The following C1RL variants were observed in gnomAD, a reference collection of about 807,000 sequenced individuals.
The protein encoded by C1RL is complement C1r subcomponent like.
Under a neutral mutation model 27.9 loss-of-function variants are expected in C1RL, and 27 were observed. The ratio of observed to expected loss-of-function variants is 0.97; its 90% CI spans 0.71 to 1.33. C1RL has a LOEUF of 1.33. Among genes scored for constraint, C1RL ranks in the 40% most tolerant of loss-of-function variants. C1RL has a pLI of 0.00. For synonymous variants in C1RL, 248 were observed against 252.1 expected (o/e 0.98, Z 0.15); for missense variants, 563 against 623.9 (o/e 0.90, Z 1.04).
intron 3 of C1RL, 181 bp downstream of exon 3, chr12:7,101,716 CT>C: frequency 1.6e-6 from 1 of 614,786 alleles, no homozygotes. Flanking sequence ...CCGCTGGGGG[CT>C]CAGCTACGGC....
rs746562099 is a variant in C1RL, at chr12:7,096,894, G to C, written c.961C>G (p.Arg321Gly). 1 of 1,599,218 alleles carries C rather than the reference G, an allele frequency of 6.3e-7. No homozygotes were observed. Among genetic ancestry groups the C allele is most frequent in the Non-Finnish European group, 8.5e-7 (1 of 1,171,094 alleles). The change falls in exon 6 of 6, where the codon CGT becomes GGT. Residue 321 changes from arginine (R) to glycine (G), a missense_variant. Transcript: ENST00000266542. ...CGGTAGTCGGGGTGCACAACGACAC[G>C]GTGGACAGGGTGGTTCCCCAGTTTC... ...MLKLGNHPVH[R>G]VVVHPDYRQN...
rs987099985 is a variant in C1RL at position 7,103,651 on chromosome 12, G to T, written c.301-1564C>A. Among the ~76,000 whole-genome samples, 3 of 152,318 alleles carry T rather than the reference G, an allele frequency of 2.0e-5. No homozygotes were observed. The East Asian group carries it at 5.8e-4, about 29-fold the overall frequency. ...GTAAGATACTGTGCTAGGTGCTGGG[G>T]ACACAGATGTGACAAAGGCACAGTT... is the stretch of plus-strand genomic sequence containing the variant. On this transcript the variant is annotated intron_variant, in intron 2 of 5. Transcript: ENST00000266542.
At position 7,097,006 on chromosome 12, in the gene C1RL, G is replaced by A; in HGVS notation, c.849C>T (p.His283=). ...AAACACTGTCCTTGGGGTAGATGGT[G>A]TGGGCAGCAGTGAGGATCCATCTGT... The part of the protein sequence containing the change: ...LGDRWILTAA[H]TIYPKDSVSL... The change falls in exon 6 of 6, where the codon CAC becomes CAT. Residue 283 remains histidine, a synonymous_variant. Coordinates refer to ENST00000266542, the MANE Select transcript of C1RL (RefSeq NM_016546.4). The A allele has an allele frequency of 6.2e-7, 1 of 1,614,182 alleles. No individual in the cohort carries two copies. The highest frequency in any genetic ancestry group is 1.1e-5 in the South Asian group (1 of 91,086).
intron 1 of C1RL, chr12:7,108,766 G>C: frequency 3.6e-6 from 2 of 555,614 alleles, no homozygotes; most frequent in East Asian, 3.1e-5. Context: ...GTCCAAAGGA[G>C]GGGGGTGCTT....
At chr12:7,108,552 G>C (rs1938835232) in intron 1 of C1RL, 73 bp from the exon 2 acceptor site, 3 of 1,287,636 alleles carry the variant, frequency 2.3e-6, no homozygotes, top group Non-Finnish European at 3.2e-6. Context: ...GGAGGAGCGG[G>C]GGAGCCGCGC....
Position 7,095,377 on chromosome 12 carries a change from G to A in C1RL, c.*1014C>T. 2 of 1,019,474 alleles carry A rather than the reference G, an allele frequency of 2.0e-6. No homozygotes were observed. Among genetic ancestry groups the A allele is most frequent in the Non-Finnish European group, 2.4e-6 (2 of 846,802 alleles). 63.2% of individuals were successfully genotyped at this position (1,019,474 alleles called of 1,614,324 possible). A position where few individuals can be genotyped will look rare whatever the true frequency, so the allele number is the denominator to read the frequency against. Reference sequence around the variant, plus strand: ...GATCCACCCACCTCGGACTCCTAAGGTGTTGGGATTACAGGCGTGAGCCAC... The same window carrying A: ...GATCCACCCACCTCGGACTCCTAAGATGTTGGGATTACAGGCGTGAGCCAC... On this transcript the variant is annotated 3_prime_UTR_variant, in exon 6 of 6. Coordinates refer to ENST00000266542, the MANE Select transcript of C1RL (RefSeq NM_016546.4).
chr12:7,107,078 A>T (rs1848430016), intron 2 of C1RL, among the ~76,000 whole-genome samples: 1 of 152,190 alleles, frequency 6.6e-6, no homozygotes, highest in Non-Finnish European at 1.5e-5. Flanking sequence ...AAACAGCTAC[A>T]TGAATTGGCA....
chr12:7,105,405 G>T (rs888244605), intron 2 of C1RL, among the ~76,000 whole-genome samples: 2 of 152,122 alleles, frequency 1.3e-5, no homozygotes, highest in Admixed American at 1.3e-4. Flanking sequence ...AAGTAGCTGG[G>T]ATTACAGGCG....
rs79026765 is a variant in C1RL, at chr12:7,105,093, A to T, written c.301-3006T>A. On this transcript the variant is annotated intron_variant, in intron 2 of 5. Transcript: ENST00000266542. Reference sequence around the variant, plus strand: ...GGGTCCCTGAGCTGGAATCTGCAGGAGTCCTCTCAGGGGAAACTGGCTGCC... The same window carrying T: ...GGGTCCCTGAGCTGGAATCTGCAGGTGTCCTCTCAGGGGAAACTGGCTGCC... Among the ~76,000 whole-genome samples, 503 of 152,280 alleles carry T rather than the reference A, an allele frequency of 3.3e-3. 1 individual carries two copies. Among genetic ancestry groups the T allele is most frequent in the Admixed American group, 5.7e-3 (87 of 15,292 alleles).
chr12:7,097,191 A>T (rs1488881007), intron 5 of C1RL, 28 bp from the exon 6 acceptor site: 2 of 1,566,522 alleles, frequency 1.3e-6, no homozygotes, highest in East Asian at 2.2e-5. Flanking sequence ...TAGGGGTGAC[A>T]GTCAGCAGCT....
chr12:7,099,041 C>CAAAAAAAAAAAAAAAAAA (rs35402492), intron 5 of C1RL, among the ~76,000 whole-genome samples: 4 of 127,570 alleles, frequency 3.1e-5, no homozygotes, highest in Non-Finnish European at 6.9e-5. Flanking sequence ...ACTAAAAATA[C>CAAAAAAAAAAAAAAAAAA]AAAAAAAAAA....
rs765496147 is a variant in C1RL at position 7,101,819 on chromosome 12, T to C, written c.490+79A>G. 1.5e-5 allele frequency: 22 copies of C among 1,462,350 alleles called. 1 individual carries two copies. The South Asian group carries it at 2.4e-4, about 16-fold the overall frequency. The allele number at this position is 1,462,350 out of a possible 1,614,324, so 90.6% of individuals were successfully genotyped here. The stretch of plus-strand genomic sequence containing the variant: ...CCCAGCCTCAGCTGTCACTCAAGCT[T>C]CCACTTAAGGCTTGAAGATACCAGG... On this transcript the variant is annotated intron_variant, in intron 3 of 5. Coordinates refer to ENST00000266542, the MANE Select transcript of C1RL (RefSeq NM_016546.4).
chr12:7,108,942 C>A, intron 1 of C1RL, 168 bp downstream of exon 1: 1 of 561,192 alleles, frequency 1.8e-6, no homozygotes, highest in Non-Finnish European at 3.2e-6. Context: ...GCTGCTGCTG[C>A]TGCTGGTGTG....
chr12:7,096,779 C>T lies in C1RL; in HGVS notation c.1076G>A (p.Cys359Tyr), dbSNP rs755034239. 6.2e-7 allele frequency: 1 copy of T among 1,606,358 alleles called. No homozygotes were observed. Among genetic ancestry groups the T allele is most frequent in the Non-Finnish European group, 8.5e-7 (1 of 1,175,690 alleles). ...GTAGAGGGTCTCATTATCGGGCAGA[C>T]AGACCGGGAGGACGTTGGGGCCCAG... ...IPLGPNVLPV[C>Y]LPDNETLYRS... Residue 359 changes from cysteine to tyrosine, a missense_variant, in exon 6 of 6, where the codon TGT becomes TAT. Coordinates refer to ENST00000266542, the MANE Select transcript of C1RL (RefSeq NM_016546.4).
chr12:7,101,220 G>A (rs1291172368), intron 3 of C1RL, among the ~76,000 whole-genome samples: 1 of 88,894 alleles, frequency 1.1e-5, no homozygotes, highest in African/African-American at 4.4e-5. Flanking sequence ...CTCCTTTCTC[G>A]CTTTCTTCCC....
chr12:7,102,406 T>G (rs941364097), intron 2 of C1RL, among the ~76,000 whole-genome samples: 1 of 152,224 alleles, frequency 6.6e-6, no homozygotes, highest in African/African-American at 2.4e-5. Context: ...CACTGGATTA[T>G]GCATTCTAAG....
intron 5 of C1RL, among the ~76,000 whole-genome samples, chr12:7,099,229 A>C (rs1468781151): frequency 6.0e-5 from 4 of 67,172 alleles, no homozygotes; most frequent in South Asian, 7.2e-4. Context: ...CCATCCCAAA[A>C]AAAAAAAAAA....
At chr12:7,105,461 G>T (rs1938740989) in intron 2 of C1RL, among the ~76,000 whole-genome samples, 1 of 152,076 alleles carries the variant, frequency 6.6e-6, no homozygotes, top group Non-Finnish European at 1.5e-5. Flanking sequence ...GTAGAGACGG[G>T]GTTTCACCAT....
At chr12:7,099,183 C>T (rs1234167466) in intron 5 of C1RL, among the ~76,000 whole-genome samples, 4 of 131,380 alleles carry the variant, frequency 3.0e-5, no homozygotes, top group African/African-American at 1.2e-4. Flanking sequence ...CAAGATTGTG[C>T]CGTTGCACTT....
Sources: gnomAD v4.1 joint callset for allele counts (sites outside exome capture counted in the v4.1 genomes callset) on GRCh38, gnomAD v4.1.1 for gene constraint, MANE v1.5 for transcripts, NCBI Gene and HGNC (gene_info 2026-07-23, HGNC 2026-07-21) for gene names.